PRAG1: variants seen among roughly 807,000 people sequenced by gnomAD.
The protein encoded by PRAG1 is PEAK1 related, kinase-activating pseudokinase 1.
Under a neutral mutation model 95.6 loss-of-function variants are expected in PRAG1, and 110 were observed. The observed-to-expected ratio is 1.15, with a 90% CI of 0.99 to 1.35. The LOEUF is 1.35. Among genes scored for constraint, PRAG1 ranks in the 40% most tolerant of loss-of-function variants. PRAG1 has a pLI of 0.00. For missense variants in PRAG1, 2,554 were observed against 1,864.7 expected, an observed-to-expected ratio of 1.37 and a Z score of -6.81; for synonymous variants, 1,052 against 819.4, an observed-to-expected ratio of 1.28 and a Z score of -4.85.
intron 3 of PRAG1, among the ~76,000 whole-genome samples, chr8:8,360,381 G>A (rs1799807645): frequency 6.6e-6 from 1 of 151,956 alleles, no homozygotes; most frequent in Admixed American, 6.6e-5. Context: ...TACTGACCTT[G>A]CCTTCATTCT....
At chr8:8,369,907 T>C (rs1800136240) in intron 3 of PRAG1, among the ~76,000 whole-genome samples, 1 of 152,108 alleles carries the variant, frequency 6.6e-6, no homozygotes, top group Non-Finnish European at 1.5e-5. Flanking sequence ...GGGTCAAGCT[T>C]TGACAGTCAT....
intron 3 of PRAG1, among the ~76,000 whole-genome samples, chr8:8,343,596 G>A (rs6601693): frequency 0.14 from 21,391 of 152,154 alleles, 1,791 homozygotes; most frequent in African/African-American, 0.23. Context: ...GTTTCTTATT[G>A]TGGGTCATGG....
chr8:8,360,519 G>A (rs181792638), intron 3 of PRAG1, among the ~76,000 whole-genome samples: 2 of 152,214 alleles, frequency 1.3e-5, no homozygotes. Flanking sequence ...TTCACTTTCT[G>A]CCTTTGTCTT....
At chr8:8,349,920 G>T (rs1273053902) in intron 3 of PRAG1, among the ~76,000 whole-genome samples, 1 of 141,478 alleles carries the variant, frequency 7.1e-6, no homozygotes, top group African/African-American at 2.7e-5. Flanking sequence ...TACATTAAAA[G>T]ATAGGAAAAT....
In PRAG1 at chr8:8,318,876, CGGGGG is replaced by C; in HGVS notation, c.3494_3498del (p.Ala1165GlyfsTer88). The C allele has an allele frequency of 1.9e-6, 1 of 540,262 alleles. No homozygotes were observed. Among genetic ancestry groups the C allele is most frequent in the Non-Finnish European group, 2.6e-6 (1 of 387,084 alleles). 33.5% of individuals were successfully genotyped at this position (540,262 alleles called of 1,614,324 possible). ...GCGGGGGCGGGAGCCGGGGCGGGGG[CGGGGG>C]CGGGCCCGGGGCCGGCCTGGAGGGT... On this transcript the variant is annotated frameshift_variant, in exon 6 of 6. Coordinates refer to ENST00000615670, the MANE Select transcript of PRAG1 (RefSeq NM_001080826.3). LOFTEE classifies it high-confidence loss of function. The surrounding 1 kb of genome is among the most constrained non-coding windows in gnomAD (Gnocchi z 4.2).
At position 8,335,493 on chromosome 8, in the gene PRAG1, G is replaced by C. The variant is rs898335167; in HGVS notation, c.2320+3985C>G. On this transcript the variant is annotated intron_variant, in intron 4 of 5. Coordinates refer to ENST00000615670, the MANE Select transcript of PRAG1 (RefSeq NM_001080826.3). ...AAGTGATGGTAGGAGCTGGGATGGGGTGTCAGAAAACTGACTTTTCATTTT... is the reference window on the plus strand; with the variant it reads ...AAGTGATGGTAGGAGCTGGGATGGGCTGTCAGAAAACTGACTTTTCATTTT... 3.9e-5 allele frequency among the ~76,000 whole-genome samples: 6 copies of C among 152,136 alleles called. No homozygotes were observed. In the South Asian group the frequency reaches 8.3e-4, roughly 21 times the overall value.
intron 2 of PRAG1, among the ~76,000 whole-genome samples, chr8:8,379,357 C>T (rs2945843): frequency 6.6e-6 from 1 of 152,190 alleles, no homozygotes; most frequent in Non-Finnish European, 1.5e-5. Flanking sequence ...GTCTAAAGTC[C>T]TCCTTTACCC....
rs745527714 is a variant in PRAG1 at position 8,328,234 on chromosome 8, T to G, written c.2548A>C (p.Ser850Arg). 1.9e-6 allele frequency: 3 copies of G among 1,614,172 alleles called. No homozygotes were observed. The highest frequency in any genetic ancestry group is 4.5e-5 in the East Asian group (2 of 44,880). The change falls in exon 5 of 6, where the codon AGC becomes CGC. Residue 850 changes from serine (S) to arginine (R), a missense_variant. Physicochemically the swap from Ser to Arg is moderately radical, Grantham distance 110. Coordinates refer to ENST00000615670, the MANE Select transcript of PRAG1 (RefSeq NM_001080826.3). ...TCGTGGACGTTGGTTTCCGAGTGGC[T>G]TAGGTTCAGCTTGGGGCTTGCTGTT... Reference protein sequence around the residue: ...PGTASPKLNLSHSETNVHDES... With the variant: ...PGTASPKLNLRHSETNVHDES...
At chr8:8,331,257 A>G (rs1798809626) in intron 4 of PRAG1, among the ~76,000 whole-genome samples, 1 of 151,970 alleles carries the variant, frequency 6.6e-6, no homozygotes, top group Non-Finnish European at 1.5e-5. Context: ...TTATTTCTCC[A>G]TGTTTATTGA....
At chr8:8,374,294 A>G (rs1016116539) in intron 3 of PRAG1, among the ~76,000 whole-genome samples, 1 of 152,190 alleles carries the variant, frequency 6.6e-6, no homozygotes, top group Non-Finnish European at 1.5e-5. Context: ...TCCATTTGTG[A>G]GAGAGAGGGA....
chr8:8,378,198 G>A (rs759014941), intron 2 of PRAG1, 120 bp from the exon 3 acceptor site: 85 of 1,178,486 alleles, frequency 7.2e-5, no homozygotes, highest in Non-Finnish European at 9.2e-5. Flanking sequence ...GTGCAGTGCA[G>A]GGGCGCTGGG....
intron 3 of PRAG1, among the ~76,000 whole-genome samples, chr8:8,370,310 T>C (rs916212689): frequency 2.0e-5 from 3 of 152,244 alleles, no homozygotes; most frequent in Admixed American, 1.3e-4. Flanking sequence ...AATATAAACA[T>C]GCATTGTTGG....
chr8:8,367,005 T>G (rs1263199490), intron 3 of PRAG1, among the ~76,000 whole-genome samples: 1 of 151,946 alleles, frequency 6.6e-6, no homozygotes, highest in African/African-American at 2.4e-5. Flanking sequence ...AATTTTAGAT[T>G]TTATGGCTGA....
rs560667088 is a variant in PRAG1 at position 8,363,054 on chromosome 8, T to G, written c.2162+13193A>C. On this transcript the variant is annotated intron_variant, in intron 3 of 5. Transcript: ENST00000615670. ...TAGTTAAAGTATAAAGATATATATA[T>G]ATAGATATAGATATATAGATATATA... Among the ~76,000 whole-genome samples the G allele has an allele frequency of 1.5e-4, 22 of 148,322 alleles. No individual in the cohort carries two copies. In the East Asian group the frequency reaches 4.1e-3, roughly 28 times the overall value.
In PRAG1 at chr8:8,373,748, C is replaced by G. The variant is rs566294854; in HGVS notation, c.2162+2499G>C. Among the ~76,000 whole-genome samples the G allele has an allele frequency of 3.6e-4, 55 of 152,216 alleles. 1 individual carries two copies. In the South Asian group the frequency reaches 0.011, roughly 32 times the overall value. Reference sequence around the variant, plus strand: ...GATTACAGGCATGAGCCACTAAGTCCGGCCCTTCTTTTTAATTCTTTTTTC... The same window carrying G: ...GATTACAGGCATGAGCCACTAAGTCGGGCCCTTCTTTTTAATTCTTTTTTC... On this transcript the variant is annotated intron_variant, in intron 3 of 5. Transcript: ENST00000615670.
At chr8:8,376,162 C>A (rs1228305687) in intron 3 of PRAG1, 85 bp downstream of exon 3, 1 of 1,513,624 alleles carries the variant, frequency 6.6e-7, no homozygotes, top group African/African-American at 1.4e-5. Context: ...GGACCTGGGC[C>A]TGAAAGCTTT....
chr8:8,318,519 C>G lies in PRAG1; in HGVS notation c.3856G>C (p.Asp1286His). 1 of 1,612,192 alleles carries G rather than the reference C, an allele frequency of 6.2e-7. No homozygotes were observed. Residue 1286 changes from aspartate to histidine, a missense_variant, in exon 6 of 6, where the codon GAC becomes CAC. By Grantham distance (81) the Asp-to-His change is moderately conservative (BLOSUM62 -1). Coordinates refer to ENST00000615670, the MANE Select transcript of PRAG1 (RefSeq NM_001080826.3). The surrounding 1 kb of genome is among the most constrained non-coding windows in gnomAD (Gnocchi z 4.2). ...GACAGCGCGGGCAGCGGCGGCAGGT[C>G]CTCCTGCCGGTAGTCTCTCTCCCGC... ...QLRERDYRQEDLPPLPALSLY... is the reference protein window; with the variant it reads ...QLRERDYRQEHLPPLPALSLY...
chr8:8,334,351 C>A (rs1798918710), intron 4 of PRAG1, among the ~76,000 whole-genome samples: 1 of 151,600 alleles, frequency 6.6e-6, no homozygotes, highest in Non-Finnish European at 1.5e-5. Flanking sequence ...GCACAATAAC[C>A]ACTTGAGCCT....
At position 8,328,206 on chromosome 8, in the gene PRAG1, T is replaced by A. The variant is rs1364471422; in HGVS notation, c.2576A>T (p.Glu859Val). ...GCTCAACGAATAGCTAAAGTGAGATTCGTCGTGGACGTTGGTTTCCGAGTG... is the reference window on the plus strand; with the variant it reads ...GCTCAACGAATAGCTAAAGTGAGATACGTCGTGGACGTTGGTTTCCGAGTG... ...LSHSETNVHDESHFSYSLSPG... is the reference protein window; with the variant it reads ...LSHSETNVHDVSHFSYSLSPG... Residue 859 changes from glutamate (E) to valine (V), a missense_variant, in exon 5 of 6, where the codon GAA becomes GTA. Physicochemically the swap from Glu to Val is moderately radical, Grantham distance 121. Transcript: ENST00000615670. 2.5e-6 allele frequency: 4 copies of A among 1,614,158 alleles called. No homozygotes were observed. The highest frequency in any genetic ancestry group is 3.4e-6 in the Non-Finnish European group (4 of 1,180,018).
Sources: allele counts gnomAD v4.1 joint callset (sites outside exome capture counted in the v4.1 genomes callset), GRCh38; gene constraint gnomAD v4.1.1; non-coding constraint Gnocchi (gnomAD v3.1); transcripts MANE v1.5; gene names NCBI Gene and HGNC (gene_info 2026-07-23, HGNC 2026-07-21).